KCND2: variants seen among roughly 807,000 people sequenced by gnomAD.
KCND2 encodes A-type voltage-gated potassium channel KCND2.
KCND2 carries 16 observed loss-of-function variants against 54.4 expected under a neutral mutation model. The ratio of observed to expected loss-of-function variants is 0.29; its 90% CI spans 0.20 to 0.45. The LOEUF is 0.45. Among genes scored for constraint, KCND2 ranks in the 20% least tolerant of loss-of-function variants. The probability of loss-of-function intolerance (pLI) is 1.00; values close to 1 mark genes in which losing one functional copy is unlikely to be tolerated. For synonymous variants in KCND2, 317 were observed against 310.7 expected (o/e 1.02, Z -0.21); for missense variants, 486 against 824.2 (o/e 0.59, Z 5.02).
At chr7:120,720,866 T>C (rs1792657444) in intron 1 of KCND2, among the ~76,000 whole-genome samples, 1 of 152,130 alleles carries the variant, frequency 6.6e-6, no homozygotes, top group Non-Finnish European at 1.5e-5. Context: ...ACTTAGACCT[T>C]GAATACGATC....
chr7:120,569,018 G>A (rs957631808), intron 1 of KCND2, among the ~76,000 whole-genome samples: 1 of 151,698 alleles, frequency 6.6e-6, no homozygotes, highest in Non-Finnish European at 1.5e-5. Flanking sequence ...ACTTGCAAAG[G>A]GTAAACAAAC....
At chr7:120,400,959 T>TAA (rs36005791) in intron 1 of KCND2, among the ~76,000 whole-genome samples, 11 of 145,580 alleles carry the variant, frequency 7.6e-5, no homozygotes, top group Admixed American at 2.8e-4. Context: ...CATGTACTAT[T>TAA]AAAAAAAAAA....
chr7:120,577,681 G>T (rs1218514534), intron 1 of KCND2, among the ~76,000 whole-genome samples: 3 of 152,174 alleles, frequency 2.0e-5, no homozygotes, highest in East Asian at 1.9e-4. Context: ...CGCCTCCGGG[G>T]TTCACACAAT....
In KCND2 at chr7:120,274,607, C is replaced by T; in HGVS notation, c.-26C>T. 1.9e-6 allele frequency: 3 copies of T among 1,614,110 alleles called. No homozygotes were observed. Among genetic ancestry groups the T allele is most frequent in the Non-Finnish European group, 2.5e-6 (3 of 1,180,016 alleles). Reference sequence around the variant, plus strand: ...TGACCCATTGTAGACGCCTCGTTACCCTTCTTCCTTCCGCTTCAAGTAATC... The same window carrying T: ...TGACCCATTGTAGACGCCTCGTTACTCTTCTTCCTTCCGCTTCAAGTAATC... On this transcript the variant is annotated 5_prime_UTR_variant, in exon 1 of 6. Coordinates refer to ENST00000331113, the MANE Select transcript of KCND2 (RefSeq NM_012281.3).
chr7:120,587,421 C>T (rs796913669), intron 1 of KCND2, among the ~76,000 whole-genome samples: 10 of 152,182 alleles, frequency 6.6e-5, no homozygotes, highest in African/African-American at 2.4e-4. Flanking sequence ...AAATTTTAGC[C>T]GGAAGGCAGC....
intron 1 of KCND2, among the ~76,000 whole-genome samples, chr7:120,317,176 A>G (rs1173049198): frequency 6.6e-6 from 1 of 152,130 alleles, no homozygotes; most frequent in Non-Finnish European, 1.5e-5. Context: ...TATATTCAAC[A>G]CTTTATTGAA....
chr7:120,517,006 A>T (rs1195473803), intron 1 of KCND2, among the ~76,000 whole-genome samples: 3 of 152,142 alleles, frequency 2.0e-5, no homozygotes, highest in South Asian at 4.1e-4. Context: ...TCCAAAGGAA[A>T]CTATTTGATC....
At chr7:120,375,130 TGTC>T (rs66597535) in intron 1 of KCND2, among the ~76,000 whole-genome samples, 9,153 of 151,928 alleles carry the variant, frequency 0.06, 838 homozygotes, top group African/African-American at 0.21. Context: ...ATTTTGTTGT[TGTC>T]ATTTGATAAA....
chr7:120,615,079 T>C (rs930625213), intron 1 of KCND2, among the ~76,000 whole-genome samples: 4 of 152,244 alleles, frequency 2.6e-5, no homozygotes, highest in African/African-American at 9.6e-5. Flanking sequence ...ACCTGAGTGA[T>C]GTTTTTTAAC....
At chr7:120,684,645 C>T (rs1792178960) in intron 1 of KCND2, among the ~76,000 whole-genome samples, 1 of 152,014 alleles carries the variant, frequency 6.6e-6, no homozygotes, top group African/African-American at 2.4e-5. Context: ...ACCCTATTAC[C>T]CGTGGGTCCA....
chr7:120,508,587 G>A (rs1285036441), intron 1 of KCND2, among the ~76,000 whole-genome samples: 2 of 151,918 alleles, frequency 1.3e-5, no homozygotes, highest in African/African-American at 4.8e-5. Flanking sequence ...GATTGCTCTA[G>A]TACCTTTCAC....
At chr7:120,383,375 A>G (rs1800939622) in intron 1 of KCND2, among the ~76,000 whole-genome samples, 1 of 151,970 alleles carries the variant, frequency 6.6e-6, no homozygotes, top group African/African-American at 2.4e-5. Flanking sequence ...ATTTATTTGA[A>G]CAAATTACTT....
Position 120,397,972 on chromosome 7 carries a change from A to AGTGT in KCND2, c.1115+122246_1115+122249dup, listed in dbSNP as rs372421333. On this transcript the variant is annotated intron_variant, in intron 1 of 5. Transcript: ENST00000331113. Reference sequence around the variant, plus strand: ...ACATAACTATATGTGTGTGTATATAAGTGTGTGTGTGTGTGTGTGTGTGTA... The same window carrying AGTGT: ...ACATAACTATATGTGTGTGTATATAAGTGTGTGTGTGTGTGTGTGTGTGTGTGTA... Among the ~76,000 whole-genome samples the AGTGT allele has an allele frequency of 2.1e-4, 23 of 109,584 alleles. 3 individuals carry two copies. The highest frequency in any genetic ancestry group is 6.8e-4 in the South Asian group (2 of 2,946). The allele number at this position is 109,584 out of a possible 152,430, so 71.9% of individuals were successfully genotyped here.
rs2116199426 is a variant in KCND2 at position 120,748,843 on chromosome 7, G to A, written c.*985G>A. On this transcript the variant is annotated 3_prime_UTR_variant, in exon 6 of 6. Transcript: ENST00000331113. ...TGTATTTCTATAGCACCTCTCTATTGGGTTTATCATCATCAACAAGACTAC... is the reference window on the plus strand; with the variant it reads ...TGTATTTCTATAGCACCTCTCTATTAGGTTTATCATCATCAACAAGACTAC... 6.6e-6 allele frequency: 1 copy of A among 151,880 alleles called. No homozygotes were observed. Among genetic ancestry groups the A allele is most frequent in the Non-Finnish European group, 1.5e-5 (1 of 67,826 alleles). The allele number at this position is 151,880 out of a possible 1,614,324, so 9.4% of individuals were successfully genotyped here.
chr7:120,694,759 T>G (rs550147816), intron 1 of KCND2, among the ~76,000 whole-genome samples: 5 of 152,278 alleles, frequency 3.3e-5, no homozygotes, highest in African/African-American at 1.2e-4. Context: ...TTGGGCATAC[T>G]CAGAAGTATG....
chr7:120,611,234 T>G (rs567098708), intron 1 of KCND2, among the ~76,000 whole-genome samples: 1 of 152,352 alleles, frequency 6.6e-6, no homozygotes, highest in Admixed American at 6.5e-5. Flanking sequence ...TATTACGCAT[T>G]TCATTCGTCA....
At chr7:120,591,687 C>T (rs962973663) in intron 1 of KCND2, among the ~76,000 whole-genome samples, 1 of 152,156 alleles carries the variant, frequency 6.6e-6, no homozygotes, top group Non-Finnish European at 1.5e-5. Flanking sequence ...CATTCAGTCT[C>T]CTTTTACTAC....
intron 1 of KCND2, among the ~76,000 whole-genome samples, chr7:120,725,722 T>C (rs1419118493): frequency 1.3e-5 from 2 of 152,228 alleles, no homozygotes; most frequent in East Asian, 3.8e-4. Flanking sequence ...ACTCTTTATG[T>C]TGACAATATT....
intron 1 of KCND2, among the ~76,000 whole-genome samples, chr7:120,513,702 CT>C (rs1368677906): frequency 2.0e-5 from 3 of 151,840 alleles, no homozygotes; most frequent in African/African-American, 4.8e-5. Context: ...TTGTTTTTTA[CT>C]TTTTTTTACT....
Sources: allele counts gnomAD v4.1 joint callset (sites outside exome capture counted in the v4.1 genomes callset), GRCh38; gene constraint gnomAD v4.1.1; transcripts MANE v1.5; gene names NCBI Gene and HGNC (gene_info 2026-07-23, HGNC 2026-07-21).